The following PPFIA2 variants were observed in gnomAD, a reference collection of about 807,000 sequenced individuals.
PPFIA2 encodes liprin-alpha-2.
In PPFIA2, 46 loss-of-function variants were observed where a neutral mutation model predicts 175.5. That is an observed-to-expected ratio of 0.26 (90% CI 0.21 to 0.34). The LOEUF is 0.34. Among genes scored for constraint, PPFIA2 ranks in the 10% least tolerant of loss-of-function variants. PPFIA2 has a pLI of 1.00. For missense variants in PPFIA2, 1,179 were observed against 1,506.1 expected (o/e 0.78, Z 3.60); for synonymous variants, 568 against 511.4 (o/e 1.11, Z -1.49).
rs545873490 is a variant in PPFIA2, at chr12:81,544,493, C to A, written c.304-86627G>T. Among the ~76,000 whole-genome samples the A allele has an allele frequency of 4.6e-5, 7 of 152,210 alleles. No individual in the cohort carries two copies. In the East Asian group the frequency reaches 1.4e-3, roughly 29 times the overall value. ...ATGGGGCAGCCCAACATACTTCCGGCATAGCTTTTGAATGTCTCTTTGAAC... is the reference window on the plus strand; with the variant it reads ...ATGGGGCAGCCCAACATACTTCCGGAATAGCTTTTGAATGTCTCTTTGAAC... On this transcript the variant is annotated intron_variant, in intron 4 of 32. Coordinates refer to ENST00000549396, the MANE Select transcript of PPFIA2 (RefSeq NM_003625.5).
chr12:81,323,794 T>G (rs906247265), intron 22 of PPFIA2, among the ~76,000 whole-genome samples: 1 of 152,080 alleles, frequency 6.6e-6, no homozygotes, highest in Non-Finnish European at 1.5e-5. Flanking sequence ...CACAGTGGCA[T>G]GCAAATTCCG....
chr12:81,426,401 G>T (rs1226123253), intron 7 of PPFIA2, among the ~76,000 whole-genome samples: 1 of 152,062 alleles, frequency 6.6e-6, no homozygotes, highest in Non-Finnish European at 1.5e-5. Context: ...GTGCTGTGAG[G>T]CTTTCTAGTG....
At chr12:81,731,535 A>G (rs1051779940) in intron 3 of PPFIA2, among the ~76,000 whole-genome samples, 2 of 151,714 alleles carry the variant, frequency 1.3e-5, no homozygotes, top group Non-Finnish European at 3.0e-5. Context: ...TACTGTGCTT[A>G]TATCTCACCA....
intron 27 of PPFIA2, among the ~76,000 whole-genome samples, chr12:81,279,760 G>A (rs543365610): frequency 5.3e-5 from 8 of 151,936 alleles, no homozygotes; most frequent in Admixed American, 2.0e-4. Context: ...CGGAAAAACC[G>A]GACCCCAAAA....
intron 4 of PPFIA2, among the ~76,000 whole-genome samples, chr12:81,586,217 T>C (rs369426988): frequency 6.6e-6 from 1 of 151,966 alleles, no homozygotes; most frequent in Non-Finnish European, 1.5e-5. Flanking sequence ...ACCAAAATAA[T>C]TACAATCAAG....
chr12:81,642,276 A>G (rs542186253), intron 4 of PPFIA2, among the ~76,000 whole-genome samples: 48 of 152,150 alleles, frequency 3.2e-4, no homozygotes, highest in Admixed American at 1.8e-3. Flanking sequence ...AGTAGGAAAA[A>G]TAGCAGATTA....
At chr12:81,494,853 C>T (rs1374140348) in intron 4 of PPFIA2, among the ~76,000 whole-genome samples, 2 of 147,280 alleles carry the variant, frequency 1.4e-5, no homozygotes, top group East Asian at 2.0e-4. Flanking sequence ...GACAAAAAAC[C>T]AAACACCGCA....
chr12:81,532,984 A>G (rs1446962453), intron 4 of PPFIA2, among the ~76,000 whole-genome samples: 1 of 151,168 alleles, frequency 6.6e-6, no homozygotes, highest in African/African-American at 2.4e-5. Context: ...TTTGTTAGTA[A>G]TGTGTTTCTT....
chr12:81,500,422 AT>A (rs1246223851), intron 4 of PPFIA2, among the ~76,000 whole-genome samples: 2 of 152,166 alleles, frequency 1.3e-5, no homozygotes, highest in Non-Finnish European at 2.9e-5. Context: ...GTGTTTATGG[AT>A]TTTGAGTTCA....
At chr12:81,602,664 C>T (rs1260633003) in intron 4 of PPFIA2, among the ~76,000 whole-genome samples, 7 of 151,772 alleles carry the variant, frequency 4.6e-5, no homozygotes, top group Admixed American at 4.6e-4. Context: ...ACACCTAAAT[C>T]TATAATTTGA....
intron 5 of PPFIA2, among the ~76,000 whole-genome samples, chr12:81,450,130 T>C (rs1169527990): frequency 6.6e-6 from 1 of 152,186 alleles, no homozygotes; most frequent in Non-Finnish European, 1.5e-5. Context: ...AGCATCATGA[T>C]TTATAATCCT....
chr12:81,619,477 T>C (rs1164087839), intron 4 of PPFIA2, among the ~76,000 whole-genome samples: 2 of 152,220 alleles, frequency 1.3e-5, no homozygotes, highest in Non-Finnish European at 1.5e-5. Flanking sequence ...AGTTTATATC[T>C]TCACTTGGTA....
intron 4 of PPFIA2, among the ~76,000 whole-genome samples, chr12:81,599,751 T>C (rs1386365814): frequency 6.6e-6 from 1 of 151,996 alleles, no homozygotes; most frequent in African/African-American, 2.4e-5. Flanking sequence ...TACTTAGTTG[T>C]CATGTCTCTC....
At chr12:81,657,894 T>G (rs1372371883) in intron 4 of PPFIA2, among the ~76,000 whole-genome samples, 2 of 152,096 alleles carry the variant, frequency 1.3e-5, no homozygotes, top group Non-Finnish European at 2.9e-5. Context: ...CAACCCAAAT[T>G]ACCATGATTA....
intron 4 of PPFIA2, among the ~76,000 whole-genome samples, chr12:81,567,057 T>C (rs920486163): frequency 6.6e-6 from 1 of 152,216 alleles, no homozygotes; most frequent in Non-Finnish European, 1.5e-5. Flanking sequence ...AGAAACTTTC[T>C]TTTTCTTGAG....
intron 3 of PPFIA2, among the ~76,000 whole-genome samples, chr12:81,718,670 G>A (rs920017743): frequency 2.0e-5 from 3 of 151,640 alleles, no homozygotes; most frequent in Admixed American, 2.0e-4. Flanking sequence ...AAAATGTATG[G>A]AAAGTGACTT....
rs199652863 is a variant in PPFIA2, at chr12:81,487,480, C to CTAT, written c.304-29617_304-29615dup. On this transcript the variant is annotated intron_variant, in intron 4 of 32. Transcript: ENST00000549396. ...CTTGGTAAGTGTTAACAATGAATTA[C>CTAT]TATTATTATTATTATTATTAATTAC... Among the ~76,000 whole-genome samples, 422 of 151,424 alleles carry CTAT rather than the reference C, an allele frequency of 2.8e-3. 10 individuals are homozygous for CTAT. In the South Asian group the frequency reaches 0.052, roughly 19 times the overall value.
chr12:81,380,734 T>C (rs73354696), intron 9 of PPFIA2, among the ~76,000 whole-genome samples: 4,533 of 152,240 alleles, frequency 0.03, 213 homozygotes, highest in African/African-American at 0.1. Flanking sequence ...GCATAGATCT[T>C]TGGCAAGTTA....
chr12:81,319,887 CTTT>C (rs2053275314), intron 22 of PPFIA2, among the ~76,000 whole-genome samples: 2 of 151,818 alleles, frequency 1.3e-5, no homozygotes, highest in Non-Finnish European at 2.9e-5. Context: ...CTTCTTTTTG[CTTT>C]ATCTACCCAG....
Sources: allele counts gnomAD v4.1 joint callset (sites outside exome capture counted in the v4.1 genomes callset), GRCh38; gene constraint gnomAD v4.1.1; transcripts MANE v1.5; gene names NCBI Gene and HGNC (gene_info 2026-07-23, HGNC 2026-07-21).